The following ESRRG variants were observed in gnomAD, a reference collection of about 807,000 sequenced individuals.
ESRRG encodes the protein estrogen-related receptor gamma.
In ESRRG, 13 loss-of-function variants were observed where a neutral mutation model predicts 44.0. The observed-to-expected ratio is 0.30, with a 90% CI of 0.19 to 0.47. The LOEUF is 0.47. ESRRG is among the 20% of genes least tolerant of loss of function. ESRRG has a pLI of 1.00. For synonymous variants in ESRRG, 215 were observed against 214.6 expected, an observed-to-expected ratio of 1.00 and a Z score of -0.02; for missense variants, 395 against 580.6, an observed-to-expected ratio of 0.68 and a Z score of 3.29.
In ESRRG at chr1:216,656,044, G is replaced by A. The variant is rs1378114904; in HGVS notation, c.473-4955C>T. On this transcript the variant is annotated intron_variant, in intron 2 of 6. Transcript: ENST00000408911. ...CAGTAGACCATATGATCTCTATGGGGCACTTGTTTTCCTTCCATTCTCTAA... is the reference window on the plus strand; with the variant it reads ...CAGTAGACCATATGATCTCTATGGGACACTTGTTTTCCTTCCATTCTCTAA... 5.3e-5 allele frequency among the ~76,000 whole-genome samples: 8 copies of A among 152,242 alleles called. No homozygotes were observed. In the South Asian group the frequency reaches 1.5e-3, roughly 28 times the overall value.
At chr1:216,543,603 T>C (rs752412749) in intron 5 of ESRRG, among the ~76,000 whole-genome samples, 1 of 152,044 alleles carries the variant, frequency 6.6e-6, no homozygotes, top group Non-Finnish European at 1.5e-5. Flanking sequence ...AATTTCAACA[T>C]GTACTATCAC....
At chr1:216,611,211 CAAAAAAAAAAAAAAAA>C (rs397861468) in intron 3 of ESRRG, among the ~76,000 whole-genome samples, 2 of 60,438 alleles carry the variant, frequency 3.3e-5, no homozygotes, top group African/African-American at 8.2e-5. Context: ...ACTCCGTCCT[CAAAAAAAAAAAAAAAA>C]AAAAAAAAAA....
intron 1 of ESRRG, among the ~76,000 whole-genome samples, chr1:216,946,308 T>C (rs535475609): frequency 6.6e-6 from 1 of 152,302 alleles, no homozygotes; most frequent in Admixed American, 6.5e-5. Context: ...TCCAAGCCTT[T>C]ACAGTGAAGA....
At position 216,506,240 on chromosome 1, in the gene ESRRG, T is replaced by C. The variant is rs1463364470; in HGVS notation, c.*699A>G. Reference sequence around the variant, plus strand: ...ATACTGCACTCAGTCAATTTGTATATGTTGCACTGTACTTTTAGGAACGTT... The same window carrying C: ...ATACTGCACTCAGTCAATTTGTATACGTTGCACTGTACTTTTAGGAACGTT... On this transcript the variant is annotated 3_prime_UTR_variant, in exon 7 of 7. Coordinates refer to ENST00000408911, the MANE Select transcript of ESRRG (RefSeq NM_001438.4). 1 of 180,102 alleles carries C rather than the reference T, an allele frequency of 5.6e-6. No homozygotes were observed. Among genetic ancestry groups the C allele is most frequent in the Non-Finnish European group, 1.2e-5 (1 of 84,786 alleles). The allele number at this position is 180,102 out of a possible 1,614,324, so 11.2% of individuals were successfully genotyped here.
At chr1:216,590,753 GT>G (rs1018527521) in intron 3 of ESRRG, among the ~76,000 whole-genome samples, 3 of 151,068 alleles carry the variant, frequency 2.0e-5, no homozygotes, top group Non-Finnish European at 3.0e-5. Flanking sequence ...ACCCGGTTTT[GT>G]TTTTTTTTAA....
chr1:217,054,376 T>G lies in ESRRG; in HGVS notation c.-106+35131A>C, dbSNP rs140400048. 2.8e-4 allele frequency among the ~76,000 whole-genome samples: 42 copies of G among 152,286 alleles called. No individual in the cohort carries two copies. The East Asian group carries it at 6.4e-3, about 23-fold the overall frequency. Reference sequence around the variant, plus strand: ...ATTTGCCTTCCTATTTAACCTCATATGGGCTTTTATTAATACCAAAACTCA... The same window carrying G: ...ATTTGCCTTCCTATTTAACCTCATAGGGGCTTTTATTAATACCAAAACTCA... On this transcript the variant is annotated intron_variant, in intron 1 of 7. Coordinates refer to the ESRRG transcript ENST00000359162.
At chr1:216,561,255 T>C (rs1455359061) in intron 5 of ESRRG, among the ~76,000 whole-genome samples, 2 of 152,142 alleles carry the variant, frequency 1.3e-5, no homozygotes, top group Non-Finnish European at 2.9e-5. Flanking sequence ...ACTACTCATT[T>C]TCGATGCTAA....
chr1:217,063,929 C>T (rs1165136907), intron 1 of ESRRG, among the ~76,000 whole-genome samples: 2 of 152,026 alleles, frequency 1.3e-5, no homozygotes, highest in African/African-American at 2.4e-5. Context: ...GTAGTATGCA[C>T]CTATTATCCA....
At chr1:216,697,790 G>C (rs545649908) in intron 1 of ESRRG, among the ~76,000 whole-genome samples, 1 of 152,310 alleles carries the variant, frequency 6.6e-6, no homozygotes, top group East Asian at 1.9e-4. Flanking sequence ...AAACTGCTTA[G>C]CTACATTCAA....
chr1:216,882,425 T>A (rs1211350308), intron 2 of ESRRG, among the ~76,000 whole-genome samples: 1 of 152,050 alleles, frequency 6.6e-6, no homozygotes, highest in African/African-American at 2.4e-5. Flanking sequence ...CACTGTTGAA[T>A]GAAGTAATGA....
intron 1 of ESRRG, among the ~76,000 whole-genome samples, chr1:217,108,615 T>C (rs830305): frequency 0.94 from 142,866 of 151,946 alleles, 67,407 homozygotes; most frequent in East Asian, 1. Flanking sequence ...CTCACAAGAC[T>C]GGGTCGTTTA....
intron 3 of ESRRG, among the ~76,000 whole-genome samples, chr1:216,641,570 A>G (rs2066434717): frequency 1.3e-5 from 2 of 152,218 alleles, no homozygotes; most frequent in African/African-American, 4.8e-5. Context: ...CTTATAAGAA[A>G]TGTGGTTCTG....
intron 3 of ESRRG, among the ~76,000 whole-genome samples, chr1:216,574,310 G>C (rs1297861826): frequency 1.3e-5 from 2 of 151,998 alleles, no homozygotes; most frequent in African/African-American, 4.8e-5. Flanking sequence ...ACATTGTCAG[G>C]ATTTACAAAA....
chr1:216,508,198 G>A lies in ESRRG; in HGVS notation c.1133-1015C>T, dbSNP rs1224486377. ...TAGATCACATGAACAAAAAGAGAGG[G>A]AATGTAATTTAAAATCAAGTGGCTA... On this transcript the variant is annotated intron_variant, in intron 6 of 6. Transcript: ENST00000408911. 2.6e-5 allele frequency among the ~76,000 whole-genome samples: 4 copies of A among 152,098 alleles called. No individual in the cohort carries two copies. The South Asian group carries it at 8.3e-4, about 32-fold the overall frequency.
At chr1:216,994,254 T>C (rs570190842) in intron 1 of ESRRG, among the ~76,000 whole-genome samples, 1 of 152,316 alleles carries the variant, frequency 6.6e-6, no homozygotes, top group African/African-American at 2.4e-5. Flanking sequence ...AAAAAAATCA[T>C]TTCAACTGAC....
Position 216,977,341 on chromosome 1 carries a change from T to TACACACAC in ESRRG, c.-105-37676_-105-37669dup, listed in dbSNP as rs1553749984. ...AAACAAAGTTTCCAAGGAGGATACA[T>TACACACAC]ACACACACACACACACACACACACA... On this transcript the variant is annotated intron_variant, in intron 1 of 7. Coordinates refer to the ESRRG transcript ENST00000359162. Among the ~76,000 whole-genome samples the TACACACAC allele has an allele frequency of 7.7e-3, 1,103 of 144,060 alleles. 10 individuals are homozygous for TACACACAC. The highest frequency in any genetic ancestry group is 0.037 in the East Asian group (181 of 4,836). The allele number at this position is 144,060 out of a possible 152,430, so 94.5% of individuals were successfully genotyped here. A position where few individuals can be genotyped will look rare whatever the true frequency, so the allele number is the denominator to read the frequency against.
intron 5 of ESRRG, among the ~76,000 whole-genome samples, chr1:216,536,832 C>G (rs776504686): frequency 1.3e-5 from 2 of 151,818 alleles, no homozygotes; most frequent in Non-Finnish European, 2.9e-5. Context: ...GCCTTATATT[C>G]AAGGGGTGGG....
At chr1:216,516,043 A>G (rs2044162658) in intron 6 of ESRRG, among the ~76,000 whole-genome samples, 1 of 152,154 alleles carries the variant, frequency 6.6e-6, no homozygotes, top group South Asian at 2.1e-4. Context: ...CGTTATATAC[A>G]TGAAAAAACT....
At chr1:216,796,015 G>T (rs953363917) in intron 2 of ESRRG, among the ~76,000 whole-genome samples, 2 of 152,172 alleles carry the variant, frequency 1.3e-5, no homozygotes, top group Non-Finnish European at 2.9e-5. Context: ...TTGGTGTAGG[G>T]CAGGGGCCTG....
Sources: gnomAD v4.1 joint callset for allele counts (sites outside exome capture counted in the v4.1 genomes callset) on GRCh38, gnomAD v4.1.1 for gene constraint, MANE v1.5 for transcripts, NCBI Gene and HGNC (gene_info 2026-07-23, HGNC 2026-07-21) for gene names.